The following HMGCLL1 variants were observed in gnomAD, a reference collection of about 807,000 sequenced individuals.
HMGCLL1 encodes the protein 3-hydroxy-3-methylglutaryl-CoA lyase like 1.
Under a neutral mutation model 39.1 loss-of-function variants are expected in HMGCLL1, and 36 were observed. The observed-to-expected ratio is 0.92, with a 90% CI of 0.71 to 1.22. HMGCLL1 has a LOEUF of 1.22. Among genes scored for constraint, HMGCLL1 ranks in the 50% most tolerant of loss-of-function variants. The probability of loss-of-function intolerance (pLI) is 0.00; values close to 1 mark genes in which losing one functional copy is unlikely to be tolerated. For missense variants in HMGCLL1, 451 were observed against 416.5 expected (o/e 1.08, Z -0.72); for synonymous variants, 149 against 144.0 (o/e 1.03, Z -0.25).
the HMGCLL1 span, among the ~76,000 whole-genome samples, chr6:55,609,670 G>C: frequency 2.0e-5 from 3 of 152,092 alleles, no homozygotes. Flanking sequence ...GTCCACCAAG[G>C]GACAGCCAAA....
At chr6:55,585,957 G>T in the HMGCLL1 span, among the ~76,000 whole-genome samples, 107 of 152,090 alleles carry the variant, frequency 7.0e-4, no homozygotes, top group African/African-American at 2.5e-3. Context: ...AGGAGTATAA[G>T]AAATTAAATT....
At chr6:55,666,169 A>G in the HMGCLL1 span, among the ~76,000 whole-genome samples, 90 of 151,898 alleles carry the variant, frequency 5.9e-4, no homozygotes, top group African/African-American at 2.1e-3. Context: ...TGGACAAGAA[A>G]GTCCCAATTG....
At chr6:55,631,171 G>C in the HMGCLL1 span, among the ~76,000 whole-genome samples, 1 of 151,752 alleles carries the variant, frequency 6.6e-6, no homozygotes, top group East Asian at 1.9e-4. Flanking sequence ...GAAAGTTCTC[G>C]GTTATTATGT....
rs1339300859 is a variant in HMGCLL1, at chr6:55,434,557, C to T, written c.*1105G>A. On this transcript the variant is annotated 3_prime_UTR_variant, in exon 9 of 9. Transcript: ENST00000274901. Reference sequence around the variant, plus strand: ...TTCAGATCCATTTGTAATAATACTGCCCCCATAAAATATGCATAGGTTACA... The same window carrying T: ...TTCAGATCCATTTGTAATAATACTGTCCCCATAAAATATGCATAGGTTACA... 2 of 151,968 alleles carry T rather than the reference C, an allele frequency of 1.3e-5. No individual in the cohort carries two copies. The highest frequency in any genetic ancestry group is 2.4e-5 in the African/African-American group (1 of 41,384). 9.4% of individuals were successfully genotyped at this position (151,968 alleles called of 1,614,324 possible). A position where few individuals can be genotyped will look rare whatever the true frequency, so the allele number is the denominator to read the frequency against.
chr6:55,540,768 T>A (rs574466475), intron 3 of HMGCLL1, among the ~76,000 whole-genome samples: 1 of 152,204 alleles, frequency 6.6e-6, no homozygotes, highest in African/African-American at 2.4e-5. Flanking sequence ...CCCAGTGAGA[T>A]TGAGGTGGAG....
At chr6:55,479,922 T>C (rs1056986813) in intron 7 of HMGCLL1, among the ~76,000 whole-genome samples, 2 of 151,650 alleles carry the variant, frequency 1.3e-5, no homozygotes, top group Non-Finnish European at 2.9e-5. Context: ...GACTTCTTTT[T>C]ATGAATTTAC....
At chr6:55,515,068 C>T (rs1184353313) in intron 4 of HMGCLL1, among the ~76,000 whole-genome samples, 1 of 152,050 alleles carries the variant, frequency 6.6e-6, no homozygotes, top group Admixed American at 6.6e-5. Context: ...TCCTGGCCAA[C>T]ATGGTGAAAC....
chr6:55,582,516 T>C (rs1488156992), upstream of HMGCLL1, among the ~76,000 whole-genome samples: 1 of 152,164 alleles, frequency 6.6e-6, no homozygotes, highest in Non-Finnish European at 1.5e-5. Context: ...TCAATTAATA[T>C]TTCATGAAGA....
Position 55,477,424 on chromosome 6 carries a change from A to ATATATAT in HMGCLL1, c.795+17988_795+17994dup, listed in dbSNP as rs1244952756. On this transcript the variant is annotated intron_variant, in intron 7 of 8. Coordinates refer to ENST00000274901, the MANE Select transcript of HMGCLL1 (RefSeq NM_001042406.2). ...TATTATCTAAATATATATTATCTTA[A>ATATATAT]TATATATTATATATTATATATATAA... Among the ~76,000 whole-genome samples the ATATATAT allele has an allele frequency of 9.2e-3, 296 of 32,056 alleles. 62 individuals carry two copies. The highest frequency in any genetic ancestry group is 0.061 in the African/African-American group (270 of 4,420). The allele number at this position is 32,056 out of a possible 152,430, so 21.0% of individuals were successfully genotyped here.
At chr6:55,637,255 C>G in the HMGCLL1 span, among the ~76,000 whole-genome samples, 1 of 152,046 alleles carries the variant, frequency 6.6e-6, no homozygotes, top group Admixed American at 6.6e-5. Flanking sequence ...TGAGAGCTCC[C>G]TCTGAGCAAT....
the HMGCLL1 span, among the ~76,000 whole-genome samples, chr6:55,631,170 C>T: frequency 1.2e-4 from 19 of 152,140 alleles, no homozygotes; most frequent in South Asian, 3.1e-3. Context: ...GGAAAGTTCT[C>T]GGTTATTATG....
At chr6:55,672,225 A>T in the HMGCLL1 span, among the ~76,000 whole-genome samples, 1 of 151,898 alleles carries the variant, frequency 6.6e-6, no homozygotes, top group African/African-American at 2.4e-5. Context: ...AGCCAAAAGA[A>T]ATAAACTAAT....
chr6:55,447,149 T>G (rs1338081401), intron 7 of HMGCLL1, among the ~76,000 whole-genome samples: 1 of 151,982 alleles, frequency 6.6e-6, no homozygotes. Context: ...GTGGCCACGC[T>G]TATTTCCAAT....
At chr6:55,533,012 A>G (rs996698828) in intron 3 of HMGCLL1, among the ~76,000 whole-genome samples, 3 of 151,380 alleles carry the variant, frequency 2.0e-5, no homozygotes, top group Non-Finnish European at 1.5e-5. Context: ...GAACAGCTTT[A>G]AAGTATTGCA....
At chr6:55,642,399 G>T in the HMGCLL1 span, among the ~76,000 whole-genome samples, 4 of 151,890 alleles carry the variant, frequency 2.6e-5, no homozygotes, top group African/African-American at 9.7e-5. Flanking sequence ...TCTTTTAATG[G>T]ACTGATTAAC....
At chr6:55,464,735 G>A (rs902085239) in intron 7 of HMGCLL1, among the ~76,000 whole-genome samples, 36 of 152,006 alleles carry the variant, frequency 2.4e-4, no homozygotes, top group African/African-American at 8.2e-4. Context: ...TTGGAATTAC[G>A]TGTTTGCTAC....
At chr6:55,562,084 G>GC (rs1397307672) in intron 1 of HMGCLL1, among the ~76,000 whole-genome samples, 1 of 152,038 alleles carries the variant, frequency 6.6e-6, no homozygotes, top group Non-Finnish European at 1.5e-5. Flanking sequence ...AGTGAACTAA[G>GC]CCTCTAATGT....
chr6:55,447,907 C>T (rs147957283), intron 7 of HMGCLL1, among the ~76,000 whole-genome samples: 13 of 152,184 alleles, frequency 8.5e-5, no homozygotes, highest in African/African-American at 2.2e-4. Context: ...GACGATATGC[C>T]GGACATATTA....
intron 7 of HMGCLL1, among the ~76,000 whole-genome samples, chr6:55,484,646 T>C (rs1175930139): frequency 6.6e-6 from 1 of 152,138 alleles, no homozygotes; most frequent in Non-Finnish European, 1.5e-5. Flanking sequence ...GTCTTTGTGA[T>C]CATTTTCTTT....
Sources: allele counts gnomAD v4.1 joint callset (sites outside exome capture counted in the v4.1 genomes callset), GRCh38; gene constraint gnomAD v4.1.1; transcripts MANE v1.5; gene names NCBI Gene and HGNC (gene_info 2026-07-23, HGNC 2026-07-21).